Variants in IZUMO3 observed in about 807,000 individuals in gnomAD.
IZUMO3 encodes izumo sperm-egg fusion protein 3.
IZUMO3 carries 36 observed loss-of-function variants against 28.4 expected under a neutral mutation model. That is an observed-to-expected ratio of 1.27 (90% confidence interval 0.97 to 1.67). IZUMO3 has a LOEUF of 1.67. IZUMO3 is among the 40% of genes most tolerant of loss of function. The pLI, the probability that IZUMO3 is intolerant of heterozygous loss-of-function variation, is 0.00. For missense variants in IZUMO3, 387 were observed against 278.5 expected, an observed-to-expected ratio of 1.39 and a Z score of -2.77; for synonymous variants, 126 against 99.2, an observed-to-expected ratio of 1.27 and a Z score of -1.61.
chr9:24,544,798 C>A, intron 3 of IZUMO3, 38 bp from the exon 4 acceptor site: 1 of 1,546,106 alleles, frequency 6.5e-7, no homozygotes, highest in Non-Finnish European at 8.7e-7. Context: ...AGTTTAAAAC[C>A]AGCTACAGTT....
intron 5 of IZUMO3, 28 bp from the exon 6 acceptor site, chr9:24,543,782 A>G (rs1349148427): frequency 7.0e-7 from 1 of 1,434,152 alleles, no homozygotes; most frequent in Non-Finnish European, 9.6e-7. Context: ...AAAATATGAA[A>G]GTGAGTTTTG....
chr9:24,543,930 G>A (rs554821108), intron 5 of IZUMO3, among the ~76,000 whole-genome samples, 176 bp from the exon 6 acceptor site: 30 of 152,208 alleles, frequency 2.0e-4, no homozygotes, highest in African/African-American at 7.0e-4. Context: ...CTACAAAACT[G>A]TTGCTGATAG....
At chr9:24,543,599 A>G (rs1338743921) in intron 6 of IZUMO3, 65 bp downstream of exon 6, 4 of 1,212,280 alleles carry the variant, frequency 3.3e-6, no homozygotes, top group Non-Finnish European at 4.7e-6. Context: ...GGAAGAGGGA[A>G]TTTGGGCAGT....
chr9:24,545,361 C>G (rs1023027536), intron 1 of IZUMO3, 63 bp downstream of exon 1: 20 of 1,547,746 alleles, frequency 1.3e-5, no homozygotes, highest in Admixed American at 2.0e-5. Context: ...CCCAGGTGTT[C>G]TCTTCCTTGC....
At position 24,544,296 on chromosome 9, in the gene IZUMO3, A is replaced by C; in HGVS notation, c.410-15T>G. ...TTCAACCACAACTGATAAAGAGGAG[A>C]AGAAAGATAATCAGAAAGAGGGCAT... On this transcript the variant is annotated splice_polypyrimidine_tract_variant and intron_variant, in intron 4 of 6. Coordinates refer to ENST00000543880, the MANE Select transcript of IZUMO3 (RefSeq NM_001365008.2). The C allele has an allele frequency of 6.5e-7, 1 of 1,536,104 alleles. No homozygotes were observed. The highest frequency in any genetic ancestry group is 8.8e-7 in the Non-Finnish European group (1 of 1,133,860).
At chr9:24,544,914 C>T (rs902778889) in intron 3 of IZUMO3, 58 bp downstream of exon 3, 95 of 1,388,642 alleles carry the variant, frequency 6.8e-5, no homozygotes, top group Admixed American at 7.9e-5. Flanking sequence ...TCCCTCATCC[C>T]GCATTTTCTA....
rs1377331214 is a variant in IZUMO3 at position 24,543,879 on chromosome 9, C to T, written c.491-125G>A. On this transcript the variant is annotated intron_variant, in intron 5 of 6. Transcript: ENST00000543880. Reference sequence around the variant, plus strand: ...CCTGTTTACTACTTCATCACTGTTCCATGCTTATTTTGACCTTTATTACTT... The same window carrying T: ...CCTGTTTACTACTTCATCACTGTTCTATGCTTATTTTGACCTTTATTACTT... 3.4e-5 allele frequency: 23 copies of T among 671,700 alleles called. No homozygotes were observed. In the East Asian group the frequency reaches 5.2e-4, roughly 15 times the overall value. 41.6% of individuals were successfully genotyped at this position (671,700 alleles called of 1,614,324 possible).
At position 24,542,986 on chromosome 9, in the gene IZUMO3, C is replaced by A; in HGVS notation, c.*243G>T. On this transcript the variant is annotated 3_prime_UTR_variant, in exon 7 of 7. Transcript: ENST00000543880. Reference sequence around the variant, plus strand: ...TATTTATTACTATCCAGCATATTATCTTTCCTGTGCATTGCAACATACCAG... The same window carrying A: ...TATTTATTACTATCCAGCATATTATATTTCCTGTGCATTGCAACATACCAG... 2 of 332,258 alleles carry A rather than the reference C, an allele frequency of 6.0e-6. No individual in the cohort carries two copies. Among genetic ancestry groups the A allele is most frequent in the Non-Finnish European group, 1.1e-5 (2 of 185,206 alleles). The allele number at this position is 332,258 out of a possible 1,614,324, so 20.6% of individuals were successfully genotyped here. A position where few individuals can be genotyped will look rare whatever the true frequency, so the allele number is the denominator to read the frequency against.
intron 1 of IZUMO3, 58 bp downstream of exon 1, chr9:24,545,366 C>T (rs1036343605): frequency 1.3e-6 from 2 of 1,547,822 alleles, no homozygotes; most frequent in Non-Finnish European, 1.7e-6. Context: ...GTGTTCTCTT[C>T]CTTGCCTCCC....
rs1819572760 is a variant in IZUMO3 at position 24,545,535 on chromosome 9, G to T, written c.115C>A (p.Leu39Met). Residue 39 changes from leucine (L) to methionine (M), a missense_variant, in exon 1 of 7, where the codon CTG (leucine) becomes ATG (methionine). Physicochemically the swap from Leu to Met is conservative, Grantham distance 15. Coordinates refer to ENST00000543880, the MANE Select transcript of IZUMO3 (RefSeq NM_001365008.2). ...IEDVGSLLGN[L>M]IPSEVPGRTQ... ...CGGCCGGGGACTTCTGAAGGTATCA[G>T]ATTTCCCAGCAAGGAGCCAACATCC... 6.5e-7 allele frequency: 1 copy of T among 1,535,370 alleles called. No individual in the cohort carries two copies. The highest frequency in any genetic ancestry group is 2.4e-5 in the East Asian group (1 of 40,860).
rs1249900375 is a variant in IZUMO3, at chr9:24,543,207, C to T, written c.*22G>A. ...CAACACTTAAGAGAATCATGAAAGA[C>T]TTCTTGTCCATGTTGATGTGTTTAT... On this transcript the variant is annotated 3_prime_UTR_variant, in exon 7 of 7. Coordinates refer to ENST00000543880, the MANE Select transcript of IZUMO3 (RefSeq NM_001365008.2). The T allele has an allele frequency of 1.3e-6, 2 of 1,526,240 alleles. No individual in the cohort carries two copies. The highest frequency in any genetic ancestry group is 1.4e-5 in the African/African-American group (1 of 72,018). 94.5% of individuals were successfully genotyped at this position (1,526,240 alleles called of 1,614,324 possible). A position where few individuals can be genotyped will look rare whatever the true frequency, so the allele number is the denominator to read the frequency against.
rs1819573718 is a variant in IZUMO3 at position 24,545,562 on chromosome 9, C to T, written c.88G>A (p.Glu30Lys). 1 of 1,535,298 alleles carries T rather than the reference C, an allele frequency of 6.5e-7. No individual in the cohort carries two copies. The highest frequency in any genetic ancestry group is 2.4e-5 in the East Asian group (1 of 40,896). Residue 30 changes from glutamate to lysine, a missense_variant, in exon 1 of 7, where the codon GAG becomes AAG. Coordinates refer to ENST00000543880, the MANE Select transcript of IZUMO3 (RefSeq NM_001365008.2). The part of the protein sequence containing the change: ...GCLECDPKFI[E>K]DVGSLLGNLI... ...TTTCCCAGCAAGGAGCCAACATCCTCTATAAATTTGGGGTCACATTCTAAA... is the reference window on the plus strand; with the variant it reads ...TTTCCCAGCAAGGAGCCAACATCCTTTATAAATTTGGGGTCACATTCTAAA...
chr9:24,544,138 C>G lies in IZUMO3; in HGVS notation c.490+63G>C, dbSNP rs1819525050. 4.0e-5 allele frequency: 44 copies of G among 1,112,332 alleles called. No homozygotes were observed. In the South Asian group the frequency reaches 5.7e-4, roughly 14 times the overall value. 68.9% of individuals were successfully genotyped at this position (1,112,332 alleles called of 1,614,324 possible). Reference sequence around the variant, plus strand: ...CCCAACAAATACATGTAGAATAAATCAGTGAGCAACCCTGCTCCTTAATCC... The same window carrying G: ...CCCAACAAATACATGTAGAATAAATGAGTGAGCAACCCTGCTCCTTAATCC... On this transcript the variant is annotated intron_variant, in intron 5 of 6. Transcript: ENST00000543880.
chr9:24,543,447 T>TTTTG (rs1819502923), intron 6 of IZUMO3, 80 bp from the exon 7 acceptor site: 1 of 769,040 alleles, frequency 1.3e-6, no homozygotes, highest in South Asian at 3.4e-5. Context: ...TGTTTTTTTT[T>TTTTG]TTTTTTTTTT....
Position 24,543,184 on chromosome 9 carries a change from A to G in IZUMO3, c.*45T>C, listed in dbSNP as rs532125185. 24 of 1,486,418 alleles carry G rather than the reference A, an allele frequency of 1.6e-5. No individual in the cohort carries two copies. In the South Asian group the frequency reaches 2.8e-4, roughly 18 times the overall value. The allele number at this position is 1,486,418 out of a possible 1,614,324, so 92.1% of individuals were successfully genotyped here. ...CCTCCCAGTTTTGTACTTAGAGTCA[A>G]CACTTAAGAGAATCATGAAAGACTT... On this transcript the variant is annotated 3_prime_UTR_variant, in exon 7 of 7. Transcript: ENST00000543880.
chr9:24,545,344 A>G (rs999098648), intron 1 of IZUMO3, 58 bp from the exon 2 acceptor site: 22 of 1,547,720 alleles, frequency 1.4e-5, no homozygotes, highest in Non-Finnish European at 1.8e-5. Flanking sequence ...GCAGGAAGTT[A>G]TGTAGACCCA....
chr9:24,544,727 C>T lies in IZUMO3; in HGVS notation c.409+16G>A. On this transcript the variant is annotated intron_variant, in intron 4 of 6. Coordinates refer to ENST00000543880, the MANE Select transcript of IZUMO3 (RefSeq NM_001365008.2). ...TATGGGCTGAAACCTCAAGGCGTCA[C>T]ATGTACTGTACTCACTGCAATCTTC... The T allele has an allele frequency of 6.5e-7, 1 of 1,549,478 alleles. No individual in the cohort carries two copies. The highest frequency in any genetic ancestry group is 8.7e-7 in the Non-Finnish European group (1 of 1,146,106).
rs772833201 is a variant in IZUMO3 at position 24,545,684 on chromosome 9, G to A, written c.-35C>T. The A allele has an allele frequency of 5.9e-6, 9 of 1,534,774 alleles. No homozygotes were observed. In the African/African-American group the frequency reaches 1.1e-4, roughly 19 times the overall value. On this transcript the variant is annotated 5_prime_UTR_variant, in exon 1 of 7. Coordinates refer to ENST00000543880, the MANE Select transcript of IZUMO3 (RefSeq NM_001365008.2). ...CACCCCCGCTCCCCGACAGCAGGTT[G>A]TCCTGGCAACTAGTTCACTTAGTTC...
chr9:24,543,438 G>GATTT (rs1819500109), intron 6 of IZUMO3, 71 bp from the exon 7 acceptor site: 1 of 35,800 alleles, frequency 2.8e-5, no homozygotes, highest in Non-Finnish European at 4.5e-5. Flanking sequence ...GTTATACATT[G>GATTT]TTTTTTTTTT....
Sources: gnomAD v4.1 joint callset for allele counts (sites outside exome capture counted in the v4.1 genomes callset) on GRCh38, gnomAD v4.1.1 for gene constraint, MANE v1.5 for transcripts, NCBI Gene and HGNC (gene_info 2026-07-23, HGNC 2026-07-21) for gene names.